Variants in SLC36A1 observed in about 807,000 individuals in gnomAD.
The protein encoded by SLC36A1 is solute carrier family 36 member 1.
SLC36A1 carries 30 observed loss-of-function variants against 47.5 expected under a neutral mutation model. The observed-to-expected ratio is 0.63, with a 90% CI of 0.47 to 0.86. The LOEUF is 0.86. SLC36A1 is among the 40% of genes least tolerant of loss of function. The pLI is 0.00. For synonymous variants in SLC36A1, 255 were observed against 249.7 expected, an observed-to-expected ratio of 1.02 and a Z score of -0.20; for missense variants, 517 against 606.0, an observed-to-expected ratio of 0.85 and a Z score of 1.54.
At chr5:151,468,286 T>TAC in intron 7 of SLC36A1, among the ~76,000 whole-genome samples, 1 of 100,084 alleles carries the variant, frequency 1.0e-5, no homozygotes, top group Admixed American at 1.0e-4. Context: ...TATATATATA[T>TAC]ATATATATTT....
the SLC36A1 span, chr5:151,512,086 C>G: frequency 7.2e-7 from 1 of 1,393,720 alleles, no homozygotes; most frequent in East Asian, 2.3e-5. The surrounding 1 kb of genome is among the most constrained non-coding windows in gnomAD (Gnocchi z 4.1). Context: ...GCTCTGAGAT[C>G]TCCACCCTGA....
chr5:151,468,954 A>G (rs1256224339), intron 7 of SLC36A1, among the ~76,000 whole-genome samples: 1 of 152,214 alleles, frequency 6.6e-6, no homozygotes, highest in Non-Finnish European at 1.5e-5. Context: ...GAGAGAGAAC[A>G]TCTGTATACA....
At chr5:151,409,494 G>A in the SLC36A1 span, among the ~76,000 whole-genome samples, 8 of 152,150 alleles carry the variant, frequency 5.3e-5, no homozygotes, top group South Asian at 4.1e-4. Flanking sequence ...TTCAACAGGC[G>A]TTTTGGTCTC....
At chr5:151,529,104 G>T in the SLC36A1 span, 4 of 1,253,548 alleles carry the variant, frequency 3.2e-6, no homozygotes, top group South Asian at 1.2e-5. Flanking sequence ...CTCATAGATG[G>T]CTGGGTGTGG....
intron 1 of SLC36A1, among the ~76,000 whole-genome samples, chr5:151,439,986 G>C (rs960218029): frequency 1.1e-4 from 16 of 152,160 alleles, no homozygotes; most frequent in African/African-American, 3.6e-4. Context: ...CTTGAATTTT[G>C]TTGTGATTGG....
At chr5:151,462,861 G>A (rs1351823248) in intron 2 of SLC36A1, among the ~76,000 whole-genome samples, 1 of 151,262 alleles carries the variant, frequency 6.6e-6, no homozygotes, top group Non-Finnish European at 1.5e-5. Context: ...ATCCTCTGTT[G>A]CAGTTTTGGG....
At chr5:151,541,073 T>G in the SLC36A1 span, among the ~76,000 whole-genome samples, 1 of 152,216 alleles carries the variant, frequency 6.6e-6, no homozygotes, top group Non-Finnish European at 1.5e-5. Context: ...GGAAACAAAT[T>G]TCAATTCTAT....
the SLC36A1 span, among the ~76,000 whole-genome samples, chr5:151,522,396 G>A: frequency 1.3e-5 from 2 of 152,206 alleles, no homozygotes; most frequent in East Asian, 3.9e-4. Flanking sequence ...CATAGACTTG[G>A]GCTAACTTCC....
chr5:151,517,158 G>T, the SLC36A1 span, among the ~76,000 whole-genome samples: 2 of 152,042 alleles, frequency 1.3e-5, no homozygotes, highest in African/African-American at 4.8e-5. Context: ...TGTGATAGAG[G>T]TGTTAAAATC....
chr5:151,549,330 C>T, the SLC36A1 span: 6 of 1,613,506 alleles, frequency 3.7e-6, no homozygotes, highest in Non-Finnish European at 5.1e-6. Context: ...AGCATTGACT[C>T]CCCGGTCAGC....
chr5:151,458,328 A>ATACATACACTTG (rs1754955691), intron 1 of SLC36A1, among the ~76,000 whole-genome samples: 2 of 101,836 alleles, frequency 2.0e-5, no homozygotes, highest in African/African-American at 6.8e-5. Context: ...ATATATATAT[A>ATACATACACTTG]TATATGGGAT....
the SLC36A1 span, chr5:151,531,774 C>G: frequency 2.5e-6 from 4 of 1,612,474 alleles, no homozygotes; most frequent in Non-Finnish European, 3.4e-6. The surrounding 1 kb of genome is among the most constrained non-coding windows in gnomAD (Gnocchi z 5.7). Flanking sequence ...CTAGGCCCAC[C>G]ACCGAGACTG....
At chr5:151,458,999 T>C in intron 2 of SLC36A1, 64 bp downstream of exon 2, 14 of 1,513,556 alleles carry the variant, frequency 9.2e-6, no homozygotes, top group Middle Eastern at 1.7e-4. Flanking sequence ...CCCTTGGACT[T>C]ATTTTTCCCC....
At position 151,489,487 on chromosome 5, in the gene SLC36A1, A is replaced by G. The variant is rs1424239904; in HGVS notation, c.*1233A>G. On this transcript the variant is annotated 3_prime_UTR_variant, in exon 11 of 11. Coordinates refer to ENST00000243389, the MANE Select transcript of SLC36A1 (RefSeq NM_078483.4). The surrounding 1 kb of genome is among the most constrained non-coding windows in gnomAD (Gnocchi z 4.5). ...GCGCAGTGCTCGGTTGTTTACAATC[A>G]GTGGGGAAAAGGGCAGAACCAGTGC... 1.3e-5 allele frequency: 2 copies of G among 152,670 alleles called. No homozygotes were observed. Among genetic ancestry groups the G allele is most frequent in the Non-Finnish European group, 1.5e-5 (1 of 68,064 alleles). 9.5% of individuals were successfully genotyped at this position (152,670 alleles called of 1,614,324 possible). A position where few individuals can be genotyped will look rare whatever the true frequency, so the allele number is the denominator to read the frequency against.
the SLC36A1 span, chr5:151,525,844 A>G: frequency 6.2e-7 from 1 of 1,613,974 alleles, no homozygotes; most frequent in Non-Finnish European, 8.5e-7. Flanking sequence ...ATCCGGGGTC[A>G]CTCGGAAGGC....
chr5:151,374,905 TG>T, the SLC36A1 span, among the ~76,000 whole-genome samples: 14 of 119,666 alleles, frequency 1.2e-4, no homozygotes, highest in African/African-American at 2.9e-4. Flanking sequence ...TTATTAATGT[TG>T]GGGTTTTTTT....
At chr5:151,382,015 T>C in the SLC36A1 span, 1 of 624,910 alleles carries the variant, frequency 1.6e-6, no homozygotes, top group South Asian at 2.0e-5. Context: ...GCAGTGCTTA[T>C]GCCCAGCCCG....
chr5:151,415,096 C>G, the SLC36A1 span, among the ~76,000 whole-genome samples: 1 of 152,166 alleles, frequency 6.6e-6, no homozygotes, highest in African/African-American at 2.4e-5. Context: ...GGGAGGGACT[C>G]TGTTCTCAAT....
At chr5:151,523,395 A>G in the SLC36A1 span, among the ~76,000 whole-genome samples, 3 of 152,202 alleles carry the variant, frequency 2.0e-5, no homozygotes, top group Non-Finnish European at 4.4e-5. Flanking sequence ...GATAGGTACT[A>G]TCAAGTCACC....
Sources: gnomAD v4.1 joint callset for allele counts (sites outside exome capture counted in the v4.1 genomes callset) on GRCh38, gnomAD v4.1.1 for gene constraint, Gnocchi (gnomAD v3.1) non-coding constraint, MANE v1.5 for transcripts, NCBI Gene and HGNC (gene_info 2026-07-23, HGNC 2026-07-21) for gene names.